CFAP418: variants seen among roughly 807,000 people sequenced by gnomAD.
The protein encoded by CFAP418 is cilia- and flagella-associated protein 418.
A neutral mutation model predicts 24.7 loss-of-function variants in CFAP418; 27 were observed. The ratio of observed to expected loss-of-function variants is 1.09; its 90% confidence interval spans 0.81 to 1.51. The LOEUF is 1.51. CFAP418 is among the 40% of genes most tolerant of loss of function. The probability of loss-of-function intolerance (pLI) is 0.00; values close to 1 mark genes in which losing one functional copy is unlikely to be tolerated. For synonymous variants in CFAP418, 74 were observed against 87.3 expected (o/e 0.85, Z 0.85); for missense variants, 257 against 255.2 (o/e 1.01, Z -0.05).
intron 5 of CFAP418, among the ~76,000 whole-genome samples, chr8:95,250,311 G>A (rs1587349178): frequency 6.6e-6 from 1 of 152,134 alleles, no homozygotes; most frequent in East Asian, 1.9e-4. Flanking sequence ...ATTTTTAATA[G>A]TATAATAAAT....
chr8:95,260,588 G>A (rs1006847637), intron 2 of CFAP418, 56 bp from the exon 3 acceptor site: 40 of 983,676 alleles, frequency 4.1e-5, no homozygotes, highest in Non-Finnish European at 5.9e-5. Flanking sequence ...ACTGTAACAT[G>A]AAAACTAATA....
chr8:95,268,658 C>A (rs983472191), intron 1 of CFAP418, among the ~76,000 whole-genome samples: 6 of 151,614 alleles, frequency 4.0e-5, no homozygotes, highest in Non-Finnish European at 8.8e-5. Context: ...AAGAACGGGG[C>A]GCCTGAGGGG....
At position 95,259,869 on chromosome 8, in the gene CFAP418, T is replaced by A; in HGVS notation, c.345A>T (p.Pro115=). ...SPVYLGGSSI[P]CGIGTNISWR... is the part of the protein sequence containing the mutation. ...ATGAAATATTTGTTCCAATCCCACA[T>A]GGAATAGAGCTTCCACCAAGGTACA... is the stretch of plus-strand genomic sequence containing the variant. Residue 115 remains proline (P), a synonymous_variant, in exon 4 of 6, where the codon CCA becomes CCT. Transcript: ENST00000286688. The A allele has an allele frequency of 6.2e-7, 1 of 1,610,084 alleles. No homozygotes were observed. The highest frequency in any genetic ancestry group is 8.5e-7 in the Non-Finnish European group (1 of 1,178,928).
At chr8:95,252,606 G>A (rs765896168) in intron 4 of CFAP418, among the ~76,000 whole-genome samples, 1 of 152,144 alleles carries the variant, frequency 6.6e-6, no homozygotes, top group Non-Finnish European at 1.5e-5. Flanking sequence ...GAGGGAGATC[G>A]TCATATAAGC....
Position 95,269,117 on chromosome 8 carries a change from C to G in CFAP418, c.73G>C (p.Gly25Arg). ...KFCTPDLLRRGMVEQPKGCGG... is the reference protein window; with the variant it reads ...KFCTPDLLRRRMVEQPKGCGG... ...CAGCCTTTGGGCTGCTCGACCATAC[C>G]CCGTCTTAGAAGGTCAGGTGTGCAA... Residue 25 changes from glycine to arginine, a missense_variant, in exon 1 of 6, where the codon GGT becomes CGT. Coordinates refer to ENST00000286688, the MANE Select transcript of CFAP418 (RefSeq NM_177965.4). 1 of 1,614,230 alleles carries G rather than the reference C, an allele frequency of 6.2e-7. No individual in the cohort carries two copies. Among genetic ancestry groups the G allele is most frequent in the Non-Finnish European group, 8.5e-7 (1 of 1,180,030 alleles).
chr8:95,259,108 T>A (rs1811844478), intron 4 of CFAP418, among the ~76,000 whole-genome samples: 1 of 152,180 alleles, frequency 6.6e-6, no homozygotes. Flanking sequence ...TCTTAAAAAA[T>A]TAACAGAAAA....
chr8:95,257,574 C>T (rs80308106), intron 4 of CFAP418, among the ~76,000 whole-genome samples: 4,090 of 152,196 alleles, frequency 0.027, 161 homozygotes, highest in African/African-American at 0.091. Flanking sequence ...TGGTCAATGA[C>T]GGACCACATA....
At chr8:95,260,372 T>G in intron 3 of CFAP418, 96 bp downstream of exon 3, 2 of 879,084 alleles carry the variant, frequency 2.3e-6, no homozygotes, top group Middle Eastern at 2.2e-4. Flanking sequence ...TGTTGTTCAA[T>G]GTCACTGCTG....
chr8:95,259,466 A>T (rs1014125211), intron 4 of CFAP418, among the ~76,000 whole-genome samples: 35 of 152,186 alleles, frequency 2.3e-4, no homozygotes, highest in Admixed American at 1.3e-3. Flanking sequence ...GGCAATGCAG[A>T]CCTGTAGCTT....
At chr8:95,260,366 G>T (rs1485352953) in intron 3 of CFAP418, 102 bp downstream of exon 3, 2 of 840,662 alleles carry the variant, frequency 2.4e-6, no homozygotes, top group African/African-American at 1.8e-5. Context: ...ATGCTTTGTT[G>T]TTCAATGTCA....
intron 4 of CFAP418, 110 bp downstream of exon 4, chr8:95,259,730 C>A: frequency 1.3e-6 from 1 of 792,168 alleles, no homozygotes; most frequent in Non-Finnish European, 2.1e-6. Context: ...AATAAAAATA[C>A]CTCTCCTTAT....
chr8:95,258,243 G>A lies in CFAP418; in HGVS notation c.374+1597C>T, dbSNP rs984393591. ...TAAAAATACAAAAAATTAGCCGGGC[G>A]TGGTGGCGGGCACCTGTAGTCCCAG... On this transcript the variant is annotated intron_variant, in intron 4 of 5. Coordinates refer to ENST00000286688, the MANE Select transcript of CFAP418 (RefSeq NM_177965.4). 2.6e-5 allele frequency among the ~76,000 whole-genome samples: 4 copies of A among 151,732 alleles called. No homozygotes were observed. The East Asian group carries it at 5.8e-4, about 22-fold the overall frequency.
intron 4 of CFAP418, among the ~76,000 whole-genome samples, chr8:95,258,558 T>C (rs1423732667): frequency 6.6e-6 from 1 of 152,028 alleles, no homozygotes; most frequent in African/African-American, 2.4e-5. Context: ...TTCAGTAAGC[T>C]AAGGTTAATA....
Position 95,258,382 on chromosome 8 carries a change from A to C in CFAP418, c.374+1458T>G, listed in dbSNP as rs1490001607. Among the ~76,000 whole-genome samples, 4 of 88,610 alleles carry C rather than the reference A, an allele frequency of 4.5e-5. No individual in the cohort carries two copies. In the East Asian group the frequency reaches 1.0e-3, roughly 23 times the overall value. 58.1% of individuals were successfully genotyped at this position (88,610 alleles called of 152,430 possible). Reference sequence around the variant, plus strand: ...GGGCGACAGAGCGAGACTCTGTCTCAAAAAAAAAAAAAAAAAAAAAGTAAA... The same window carrying C: ...GGGCGACAGAGCGAGACTCTGTCTCCAAAAAAAAAAAAAAAAAAAAGTAAA... On this transcript the variant is annotated intron_variant, in intron 4 of 5. Transcript: ENST00000286688.
chr8:95,253,845 T>C (rs1016321412), intron 4 of CFAP418, among the ~76,000 whole-genome samples: 1 of 152,208 alleles, frequency 6.6e-6, no homozygotes, highest in Admixed American at 6.5e-5. Flanking sequence ...TATTACATGA[T>C]TGCACAGAGT....
chr8:95,254,213 C>T (rs1037808035), intron 4 of CFAP418, among the ~76,000 whole-genome samples: 9 of 152,188 alleles, frequency 5.9e-5, no homozygotes, highest in Admixed American at 1.3e-4. Flanking sequence ...AAAATGCCTT[C>T]GTTTTATCTG....
chr8:95,268,462 G>A (rs1812045742), intron 1 of CFAP418, among the ~76,000 whole-genome samples: 1 of 152,042 alleles, frequency 6.6e-6, no homozygotes, highest in Non-Finnish European at 1.5e-5. Flanking sequence ...GCGACAGAGC[G>A]AGACTCCATC....
rs1043364083 is a variant in CFAP418, at chr8:95,269,052, C to G, written c.138G>C (p.Lys46Asn). The G allele has an allele frequency of 6.2e-7, 1 of 1,614,144 alleles. No individual in the cohort carries two copies. The change falls in exon 1 of 6, where the codon AAG (lysine) becomes AAC (asparagine). Residue 46 changes from lysine to asparagine, a missense_variant. Physicochemically the swap from Lys to Asn is moderately conservative, Grantham distance 94 (BLOSUM62 0). Coordinates refer to ENST00000286688, the MANE Select transcript of CFAP418 (RefSeq NM_177965.4). The part of the protein sequence containing the change: ...GTHSSDRNQA[K>N]AKETLRSTET... Reference sequence around the variant, plus strand: ...CGGTTAACCTGAGCGTCTCTTTCGCCTTGGCTTGGTTCCGGTCGCTACTGT... The same window carrying G: ...CGGTTAACCTGAGCGTCTCTTTCGCGTTGGCTTGGTTCCGGTCGCTACTGT...
At chr8:95,267,027 A>G (rs1187878367) in intron 1 of CFAP418, among the ~76,000 whole-genome samples, 2 of 152,230 alleles carry the variant, frequency 1.3e-5, no homozygotes, top group Non-Finnish European at 2.9e-5. Context: ...ACAAACGAAA[A>G]GTACTAAAGA....
Sources: allele counts gnomAD v4.1 joint callset (sites outside exome capture counted in the v4.1 genomes callset), GRCh38; gene constraint gnomAD v4.1.1; transcripts MANE v1.5; gene names NCBI Gene and HGNC (gene_info 2026-07-23, HGNC 2026-07-21).